The following RARB variants were observed in gnomAD, a reference collection of about 807,000 sequenced individuals.
The protein encoded by RARB is retinoic acid receptor beta.
RARB carries 17 observed loss-of-function variants against 51.9 expected under a neutral mutation model. That is an observed-to-expected ratio of 0.33 (90% CI 0.22 to 0.49). The LOEUF (loss-of-function observed/expected upper bound fraction) is 0.49, where lower values mean the gene tolerates loss of function less well. RARB is among the 20% of genes least tolerant of loss of function. The pLI is 0.99. For synonymous variants in RARB, 215 were observed against 195.4 expected (o/e 1.10, Z -0.84); for missense variants, 369 against 550.8 (o/e 0.67, Z 3.30).
At chr3:24,931,797 C>T (rs1695445871) in intron 2 of RARB, among the ~76,000 whole-genome samples, 1 of 151,922 alleles carries the variant, frequency 6.6e-6, no homozygotes, top group Non-Finnish European at 1.5e-5. Context: ...ACAGGGCAAA[C>T]TTGCTAGCAA....
chr3:25,073,817 G>A (rs1444927159), intron 3 of RARB, among the ~76,000 whole-genome samples: 1 of 150,424 alleles, frequency 6.6e-6, no homozygotes, highest in East Asian at 1.9e-4. Context: ...AGTAGAATTG[G>A]GAAACAATAG....
intron 2 of RARB, among the ~76,000 whole-genome samples, chr3:24,893,308 A>G (rs959346584): frequency 1.3e-5 from 2 of 152,240 alleles, no homozygotes; most frequent in Non-Finnish European, 2.9e-5. Context: ...ACATGGGTTT[A>G]TTAAGTAAAC....
intron 1 of RARB, among the ~76,000 whole-genome samples, chr3:25,448,665 T>C (rs933360992): frequency 6.6e-6 from 1 of 152,070 alleles, no homozygotes; most frequent in Non-Finnish European, 1.5e-5. Context: ...TAGGGTTTCT[T>C]CATGTTGGTC....
chr3:25,597,183 C>CTACT lies in RARB; in HGVS notation c.*569_*572dup, dbSNP rs1701871508. 4 of 152,764 alleles carry CTACT rather than the reference C, an allele frequency of 2.6e-5. No individual in the cohort carries two copies. In the South Asian group the frequency reaches 8.3e-4, roughly 32 times the overall value. The allele number at this position is 152,764 out of a possible 1,614,324, so 9.5% of individuals were successfully genotyped here. A position where few individuals can be genotyped will look rare whatever the true frequency, so the allele number is the denominator to read the frequency against. ...ATGACAAGATAAGGCTGAAGATATT[C>CTACT]TACTTTAGTTAGTATGGAAGCTTGT... On this transcript the variant is annotated 3_prime_UTR_variant, in exon 8 of 8. Transcript: ENST00000330688.
At chr3:25,218,389 C>T (rs940197373) in intron 5 of RARB, among the ~76,000 whole-genome samples, 10 of 152,026 alleles carry the variant, frequency 6.6e-5, no homozygotes, top group Non-Finnish European at 1.3e-4. Flanking sequence ...CTTTAAATAC[C>T]CAGGGTGCTG....
At position 25,146,500 on chromosome 3, in the gene RARB, T is replaced by G. The variant is rs1201648092; in HGVS notation, c.-280+14292T>G. Among the ~76,000 whole-genome samples the G allele has an allele frequency of 2.9e-3, 259 of 88,362 alleles. 6 individuals are homozygous for G. Among genetic ancestry groups the G allele is most frequent in the African/African-American group, 9.9e-3 (249 of 25,274 alleles). The allele number at this position is 88,362 out of a possible 152,430, so 58.0% of individuals were successfully genotyped here. A position where few individuals can be genotyped will look rare whatever the true frequency, so the allele number is the denominator to read the frequency against. ...AGGCTATAATTTGCTAAGTTTTTTGTTTGTTTGTTTGTTTTTTTTTTTTTG... is the reference window on the plus strand; with the variant it reads ...AGGCTATAATTTGCTAAGTTTTTTGGTTGTTTGTTTGTTTTTTTTTTTTTG... On this transcript the variant is annotated intron_variant, in intron 4 of 11. Transcript: ENST00000383772.
chr3:25,481,489 C>T (rs1005056204), intron 2 of RARB, among the ~76,000 whole-genome samples: 4 of 152,164 alleles, frequency 2.6e-5, no homozygotes, highest in African/African-American at 9.7e-5. Context: ...ATGTGCTTTC[C>T]TTTTATAACC....
At chr3:25,131,072 C>T (rs1007844212) in intron 3 of RARB, among the ~76,000 whole-genome samples, 4 of 151,162 alleles carry the variant, frequency 2.6e-5, no homozygotes, top group South Asian at 4.2e-4. Context: ...TCTTCCAAAA[C>T]TCTCTGTTTA....
intron 1 of RARB, among the ~76,000 whole-genome samples, chr3:25,456,132 G>C (rs1694892758): frequency 6.6e-6 from 1 of 152,184 alleles, no homozygotes; most frequent in Non-Finnish European, 1.5e-5. Flanking sequence ...GATTGTGCTT[G>C]CCTGCAATAA....
chr3:25,472,000 C>G (rs1695721561), intron 2 of RARB, among the ~76,000 whole-genome samples: 1 of 152,132 alleles, frequency 6.6e-6, no homozygotes, highest in Non-Finnish European at 1.5e-5. Context: ...ACAGTTGCCT[C>G]TCTCCCCACC....
chr3:25,404,575 A>G (rs929147464), intron 5 of RARB, among the ~76,000 whole-genome samples: 2 of 152,150 alleles, frequency 1.3e-5, no homozygotes, highest in African/African-American at 4.8e-5. Flanking sequence ...ATGAAAAGGA[A>G]AGTTTGAGTA....
chr3:25,399,344 T>C (rs6550969), intron 5 of RARB, among the ~76,000 whole-genome samples: 16,861 of 152,194 alleles, frequency 0.11, 1,002 homozygotes, highest in Middle Eastern at 0.17. Context: ...AAGTACTCCA[T>C]CTTCCAAATC....
chr3:25,254,699 T>A (rs1297399815), intron 5 of RARB, among the ~76,000 whole-genome samples: 2 of 152,108 alleles, frequency 1.3e-5, no homozygotes, highest in African/African-American at 4.8e-5. Flanking sequence ...GGGTGCTGGA[T>A]GACTTGGTCG....
intron 3 of RARB, among the ~76,000 whole-genome samples, chr3:25,561,062 A>C (rs977196042): frequency 1.3e-5 from 2 of 152,226 alleles, no homozygotes; most frequent in Non-Finnish European, 2.9e-5. Context: ...CAGAGACATT[A>C]AGAGACTATC....
intron 2 of RARB, among the ~76,000 whole-genome samples, chr3:25,046,333 A>G (rs1293524927): frequency 6.6e-6 from 1 of 152,230 alleles, no homozygotes; most frequent in East Asian, 1.9e-4. Context: ...GTGAATAGAG[A>G]CTGAGAAACT....
chr3:25,596,148 C>A (rs1335825031), intron 7 of RARB, among the ~76,000 whole-genome samples: 3 of 152,184 alleles, frequency 2.0e-5, no homozygotes, highest in Non-Finnish European at 4.4e-5. Context: ...TGGTTGAGAA[C>A]CCAATCTAAC....
At chr3:25,091,268 T>C (rs1003438028) in intron 3 of RARB, among the ~76,000 whole-genome samples, 7 of 152,298 alleles carry the variant, frequency 4.6e-5, no homozygotes, top group African/African-American at 1.7e-4. Context: ...GGATGCCTTC[T>C]GAGGTTCGAA....
intron 1 of RARB, among the ~76,000 whole-genome samples, chr3:25,445,740 A>G (rs991902957): frequency 1.3e-5 from 2 of 152,224 alleles, no homozygotes; most frequent in East Asian, 1.9e-4. Context: ...GTTATTATTT[A>G]TAAATTGTCA....
intron 2 of RARB, among the ~76,000 whole-genome samples, chr3:25,005,427 A>G (rs151083870): frequency 6.6e-6 from 1 of 152,248 alleles, no homozygotes; most frequent in East Asian, 1.9e-4. Flanking sequence ...GCACTGGAGG[A>G]TTGGCTTCCA....
Sources: gnomAD v4.1 joint callset for allele counts (sites outside exome capture counted in the v4.1 genomes callset) on GRCh38, gnomAD v4.1.1 for gene constraint, MANE v1.5 for transcripts, NCBI Gene and HGNC (gene_info 2026-07-23, HGNC 2026-07-21) for gene names.